GALNT13: variants seen among roughly 807,000 people sequenced by gnomAD.
GALNT13 encodes UDP-GalNAc:polypeptide N-acetylgalactosaminyltransferase 13.
GALNT13 carries 28 observed loss-of-function variants against 64.2 expected under a neutral mutation model. The observed-to-expected ratio is 0.44, with a 90% CI of 0.32 to 0.60. The LOEUF (loss-of-function observed/expected upper bound fraction) is 0.60. GALNT13 is among the 20% of genes least tolerant of loss of function. The pLI, the probability that GALNT13 is intolerant of heterozygous loss-of-function variation, is 0.05. For synonymous variants in GALNT13, 214 were observed against 224.6 expected (o/e 0.95, Z 0.42); for missense variants, 577 against 669.8 (o/e 0.86, Z 1.53).
At chr2:154,236,592 A>T (rs1015288129) in intron 4 of GALNT13, among the ~76,000 whole-genome samples, 4 of 152,108 alleles carry the variant, frequency 2.6e-5, no homozygotes, top group Non-Finnish European at 5.9e-5. Flanking sequence ...GATAAAGCTT[A>T]TGATTTCACT....
At chr2:153,212,335 G>A in the GALNT13 span, among the ~76,000 whole-genome samples, 8 of 152,078 alleles carry the variant, frequency 5.3e-5, no homozygotes, top group Admixed American at 1.3e-4. Flanking sequence ...TCACAGCTTG[G>A]TTGACTTTAC....
the GALNT13 span, among the ~76,000 whole-genome samples, chr2:153,193,586 T>G: frequency 2.6e-5 from 4 of 151,938 alleles, no homozygotes; most frequent in Non-Finnish European, 5.9e-5. Flanking sequence ...CCCTAAAACT[T>G]AAAGTATAAT....
the GALNT13 span, among the ~76,000 whole-genome samples, chr2:153,725,470 T>A: frequency 6.7e-6 from 1 of 148,256 alleles, no homozygotes; most frequent in Non-Finnish European, 1.5e-5. Flanking sequence ...AAAAAAATAA[T>A]AATAATAGTA....
At chr2:153,412,380 G>A in the GALNT13 span, among the ~76,000 whole-genome samples, 1 of 152,142 alleles carries the variant, frequency 6.6e-6, no homozygotes, top group Non-Finnish European at 1.5e-5. Context: ...AGAAAAACAT[G>A]AAAACACTTT....
At chr2:154,353,557 G>T (rs551899888) in intron 9 of GALNT13, among the ~76,000 whole-genome samples, 2 of 152,108 alleles carry the variant, frequency 1.3e-5, no homozygotes, top group East Asian at 3.9e-4. Context: ...TGTATTCGTT[G>T]GTATCTCCCC....
intron 3 of GALNT13, among the ~76,000 whole-genome samples, chr2:153,957,027 G>A (rs1461341504): frequency 6.6e-6 from 1 of 152,084 alleles, no homozygotes; most frequent in African/African-American, 2.4e-5. Flanking sequence ...TCAAATTTCA[G>A]AAGATGTAAC....
At chr2:154,454,708 T>C (rs1702008005), downstream of GALNT13, 2 of 152,116 alleles carry the variant, frequency 1.3e-5, no homozygotes, top group South Asian at 4.1e-4. Context: ...TTCTTACTAG[T>C]CATTTAAATA....
chr2:153,884,766 A>AATATATATATATATAT (rs372541314), intron 1 of GALNT13, among the ~76,000 whole-genome samples: 52 of 116,356 alleles, frequency 4.5e-4, no homozygotes, highest in African/African-American at 9.8e-4. Context: ...TAAAAATACG[A>AATATATATATATATAT]ATATATATAT....
At chr2:154,431,119 T>C (rs1055496043) in intron 11 of GALNT13, among the ~76,000 whole-genome samples, 3 of 152,020 alleles carry the variant, frequency 2.0e-5, no homozygotes, top group Admixed American at 6.6e-5. Context: ...TGCATGTACA[T>C]ACATACACAC....
At chr2:153,570,557 CCA>C in the GALNT13 span, among the ~76,000 whole-genome samples, 1 of 152,052 alleles carries the variant, frequency 6.6e-6, no homozygotes, top group Non-Finnish European at 1.5e-5. Context: ...AGATATTCCC[CCA>C]GTGTTTTCTT....
chr2:153,555,863 A>G, the GALNT13 span, among the ~76,000 whole-genome samples: 1 of 152,212 alleles, frequency 6.6e-6, no homozygotes, highest in Non-Finnish European at 1.5e-5. Flanking sequence ...GAAGATTATA[A>G]GAAGATTATT....
the GALNT13 span, among the ~76,000 whole-genome samples, chr2:153,449,054 C>G: frequency 5.9e-5 from 9 of 152,052 alleles, no homozygotes; most frequent in Non-Finnish European, 1.0e-4. Flanking sequence ...CTTTCTGTCT[C>G]TCTGTCTCTC....
chr2:153,073,168 CAT>C, the GALNT13 span, among the ~76,000 whole-genome samples: 3 of 152,090 alleles, frequency 2.0e-5, no homozygotes, highest in Non-Finnish European at 4.4e-5. Flanking sequence ...TTAATAAGGT[CAT>C]GGATAAGTTT....
the GALNT13 span, among the ~76,000 whole-genome samples, chr2:153,592,015 G>C: frequency 6.6e-6 from 1 of 151,670 alleles, no homozygotes; most frequent in African/African-American, 2.4e-5. Flanking sequence ...AGTGGGCAAA[G>C]GACATGAACA....
the GALNT13 span, among the ~76,000 whole-genome samples, chr2:153,429,603 C>T: frequency 3.2e-4 from 49 of 151,976 alleles, no homozygotes; most frequent in South Asian, 2.5e-3. Flanking sequence ...AAACATCTTC[C>T]GAGAGAAAGC....
chr2:154,415,907 A>G (rs1699987772), intron 11 of GALNT13, among the ~76,000 whole-genome samples: 4 of 152,158 alleles, frequency 2.6e-5, no homozygotes, highest in African/African-American at 9.7e-5. Context: ...AAAACTTACC[A>G]GGGATTTCAC....
chr2:153,674,170 C>A, the GALNT13 span, among the ~76,000 whole-genome samples: 5 of 152,242 alleles, frequency 3.3e-5, no homozygotes, highest in African/African-American at 1.2e-4. Flanking sequence ...CAAACTACCA[C>A]TGACTTTCTT....
chr2:153,471,686 C>T, the GALNT13 span, among the ~76,000 whole-genome samples: 1 of 152,112 alleles, frequency 6.6e-6, no homozygotes, highest in Non-Finnish European at 1.5e-5. Flanking sequence ...GATTTTCAAG[C>T]CTATGCAATA....
At chr2:153,221,794 C>T in the GALNT13 span, among the ~76,000 whole-genome samples, 1 of 152,218 alleles carries the variant, frequency 6.6e-6, no homozygotes, top group Non-Finnish European at 1.5e-5. Flanking sequence ...TGGCTCCGTG[C>T]AAGCCTGCGG....
Sources: gnomAD v4.1 joint callset for allele counts (sites outside exome capture counted in the v4.1 genomes callset) on GRCh38, gnomAD v4.1.1 for gene constraint, MANE v1.5 for transcripts, NCBI Gene and HGNC (gene_info 2026-07-23, HGNC 2026-07-21) for gene names.